KCNK5: variants seen among roughly 807,000 people sequenced by gnomAD.
KCNK5 encodes potassium two pore domain channel subfamily K member 5, also known as potassium channel subfamily K member 5.
A neutral mutation model predicts 32.9 loss-of-function variants in KCNK5; 18 were observed. The ratio of observed to expected loss-of-function variants is 0.55; its 90% CI spans 0.38 to 0.81. The LOEUF is 0.81. KCNK5 is among the 30% of genes least tolerant of loss of function. The pLI is 0.00. For synonymous variants in KCNK5, 276 were observed against 275.3 expected, an observed-to-expected ratio of 1.00 and a Z score of -0.03; for missense variants, 507 against 651.0, an observed-to-expected ratio of 0.78 and a Z score of 2.41.
At position 39,211,508 on chromosome 6, in the gene KCNK5, T is replaced by A. The variant is rs530468483; in HGVS notation, c.187-15521A>T. On this transcript the variant is annotated intron_variant, in intron 1 of 4. Transcript: ENST00000359534. ...GCGCAGAGGGAGGCCAGATGTGGCA[T>A]TAGAAACCTCGGGTTCTGGCCCAAT... Among the ~76,000 whole-genome samples, 6 of 152,246 alleles carry A rather than the reference T, an allele frequency of 3.9e-5. No homozygotes were observed. The East Asian group carries it at 1.2e-3, about 29-fold the overall frequency.
chr6:39,204,145 G>A (rs554286092), intron 1 of KCNK5, among the ~76,000 whole-genome samples: 6 of 152,374 alleles, frequency 3.9e-5, no homozygotes, highest in South Asian at 4.1e-4. Flanking sequence ...GTTGCAAAGC[G>A]GACTTTGTTA....
chr6:39,228,417 A>T (rs1314311144), intron 1 of KCNK5, among the ~76,000 whole-genome samples: 1 of 151,986 alleles, frequency 6.6e-6, no homozygotes. Context: ...TGGGGGCGGA[A>T]GATTTTGCCC....
intron 1 of KCNK5, among the ~76,000 whole-genome samples, chr6:39,228,505 G>C (rs953774056): frequency 6.6e-6 from 1 of 152,178 alleles, no homozygotes; most frequent in Non-Finnish European, 1.5e-5. Context: ...CGTGGCACTG[G>C]CCCTGGAGCG....
intron 1 of KCNK5, among the ~76,000 whole-genome samples, chr6:39,218,111 C>T (rs1181559800): frequency 2.0e-5 from 3 of 147,668 alleles, no homozygotes; most frequent in Non-Finnish European, 4.4e-5. Flanking sequence ...AGCTTTGTCA[C>T]CCAAGCTGGA....
chr6:39,229,038 A>C lies in KCNK5; in HGVS notation c.74T>G (p.Val25Gly). 6.2e-7 allele frequency: 1 copy of C among 1,614,062 alleles called. No homozygotes were observed. Among genetic ancestry groups the C allele is most frequent in the Non-Finnish European group, 8.5e-7 (1 of 1,180,000 alleles). ...YLAIGAAIFE[V>G]LEEPHWKEAK... ...CTCCTTCCAGTGTGGCTCCTCCAGC[A>C]CTTCGAAGATCGCCGCCCCGATGGC... Residue 25 changes from valine (V) to glycine (G), a missense_variant, in exon 1 of 5, where the codon GTG becomes GGG. Physicochemically the swap from Val to Gly is moderately radical, Grantham distance 109 (BLOSUM62 -3). Transcript: ENST00000359534.
Position 39,228,837 on chromosome 6 carries a change from A to G in KCNK5, c.186+89T>C. On this transcript the variant is annotated intron_variant, in intron 1 of 4. Transcript: ENST00000359534. ...GGACCTTCCACAGGGACTGAGGGTC[A>G]CCCAAAGCTGTGAAGGGGTCTTCCT... 4 of 1,319,274 alleles carry G rather than the reference A, an allele frequency of 3.0e-6. No individual in the cohort carries two copies. The South Asian group carries it at 5.2e-5, about 17-fold the overall frequency. 81.7% of individuals were successfully genotyped at this position (1,319,274 alleles called of 1,614,324 possible). A position where few individuals can be genotyped will look rare whatever the true frequency, so the allele number is the denominator to read the frequency against.
At chr6:39,228,889 G>C (rs749397707) in intron 1 of KCNK5, 37 bp downstream of exon 1, 1 of 1,605,316 alleles carries the variant, frequency 6.2e-7, no homozygotes, top group Non-Finnish European at 8.5e-7. Context: ...GCTCAAGCCA[G>C]CTTCAGATGT....
intron 1 of KCNK5, among the ~76,000 whole-genome samples, chr6:39,219,947 C>G (rs755144707): frequency 6.6e-6 from 1 of 152,212 alleles, no homozygotes; most frequent in African/African-American, 2.4e-5. Flanking sequence ...GAAAATATGG[C>G]CAGGGGCACA....
At chr6:39,195,794 A>G (rs1771019697) in intron 2 of KCNK5, 82 bp downstream of exon 2, 1 of 901,152 alleles carries the variant, frequency 1.1e-6, no homozygotes, top group Non-Finnish European at 1.8e-6. Context: ...AACAGGGCTG[A>G]GTGACCAGAG....
intron 1 of KCNK5, among the ~76,000 whole-genome samples, chr6:39,211,205 G>C (rs181363615): frequency 6.6e-6 from 1 of 152,274 alleles, no homozygotes; most frequent in East Asian, 1.9e-4. Context: ...CCCGCAGAGT[G>C]GGGAGGCTGG....
chr6:39,211,380 A>G (rs1200264489), intron 1 of KCNK5, among the ~76,000 whole-genome samples: 1 of 152,222 alleles, frequency 6.6e-6, no homozygotes, highest in Non-Finnish European at 1.5e-5. Context: ...CGGCTTGCAC[A>G]AACACATGCT....
chr6:39,210,485 A>C (rs1771315567), intron 1 of KCNK5, among the ~76,000 whole-genome samples: 1 of 152,236 alleles, frequency 6.6e-6, no homozygotes, highest in Admixed American at 6.5e-5. Context: ...TGCCAGATCT[A>C]GCCAGGCACC....
Position 39,190,005 on chromosome 6 carries a change from A to C in KCNK5, c.*885T>G, listed in dbSNP as rs6912288. The C allele has an allele frequency of 0.45, 67,944 of 152,458 alleles. 16,240 individuals are homozygous for C. The highest frequency in any genetic ancestry group is 0.53 in the Non-Finnish European group (36,259 of 68,260). The allele number at this position is 152,458 out of a possible 1,614,324, so 9.4% of individuals were successfully genotyped here. On this transcript the variant is annotated 3_prime_UTR_variant, in exon 5 of 5. Transcript: ENST00000359534. Reference sequence around the variant, plus strand: ...CCAGCGGGCAGGGTGTGCAGTTCTCAGGCGGGCAGGAGGGGTAAGGGCAGA... The same window carrying C: ...CCAGCGGGCAGGGTGTGCAGTTCTCCGGCGGGCAGGAGGGGTAAGGGCAGA...
At chr6:39,219,857 C>A (rs767398362) in intron 1 of KCNK5, among the ~76,000 whole-genome samples, 6 of 152,212 alleles carry the variant, frequency 3.9e-5, no homozygotes, top group Non-Finnish European at 7.4e-5. Flanking sequence ...ATGGCCACTG[C>A]CCACGAAGGT....
intron 1 of KCNK5, among the ~76,000 whole-genome samples, chr6:39,209,691 T>G (rs1454702740): frequency 6.6e-6 from 1 of 152,192 alleles, no homozygotes; most frequent in African/African-American, 2.4e-5. Flanking sequence ...CACACATCCT[T>G]TCTCTCCTCC....
At chr6:39,197,237 G>C (rs1227028616) in intron 1 of KCNK5, among the ~76,000 whole-genome samples, 1 of 152,228 alleles carries the variant, frequency 6.6e-6, no homozygotes, top group African/African-American at 2.4e-5. Context: ...CCTACCCAGA[G>C]CATGACTGAG....
chr6:39,227,728 G>A lies in KCNK5; in HGVS notation c.186+1198C>T, dbSNP rs1050752158. Among the ~76,000 whole-genome samples the A allele has an allele frequency of 3.3e-5, 5 of 152,170 alleles. No individual in the cohort carries two copies. The East Asian group carries it at 7.7e-4, about 23-fold the overall frequency. ...CCAAATGCTTCCAACCTAACAGTCC[G>A]TGGCAGAAATAAGGAATGAGGATGG... On this transcript the variant is annotated intron_variant, in intron 1 of 4. Transcript: ENST00000359534.
At position 39,204,409 on chromosome 6, in the gene KCNK5, TC is replaced by T. The variant is rs550103030; in HGVS notation, c.187-8423del. ...GGAGGTTGGACTATGACTACTGGAG[TC>T]CCCCTGCCTGGGCAGGTGATACCTC... On this transcript the variant is annotated intron_variant, in intron 1 of 4. Coordinates refer to ENST00000359534, the MANE Select transcript of KCNK5 (RefSeq NM_003740.4). Among the ~76,000 whole-genome samples the T allele has an allele frequency of 1.1e-4, 16 of 152,232 alleles. No homozygotes were observed. In the East Asian group the frequency reaches 3.1e-3, roughly 29 times the overall value.
chr6:39,191,722 T>C lies in KCNK5; in HGVS notation c.668A>G (p.Tyr223Cys). The C allele has an allele frequency of 6.2e-7, 1 of 1,613,712 alleles. No homozygotes were observed. The highest frequency in any genetic ancestry group is 8.5e-7 in the Non-Finnish European group (1 of 1,179,822). The stretch of plus-strand genomic sequence containing the variant: ...GATCCAGAGCTCCACGAAGTAGCGG[T>C]ACAGGGCGTGGTAGTTGGCGCTGGG... ...VNPSANYHAL[Y>C]RYFVELWIYL... The change falls in exon 5 of 5, where the codon TAC (tyrosine) becomes TGC (cysteine). Residue 223 changes from tyrosine (Y) to cysteine (C), a missense_variant. Transcript: ENST00000359534. This position sits in a 1 kb window ranked among gnomAD's most constrained non-coding sequence, Gnocchi z 5.8.
Sources: gnomAD v4.1 joint callset for allele counts (sites outside exome capture counted in the v4.1 genomes callset) on GRCh38, gnomAD v4.1.1 for gene constraint, Gnocchi (gnomAD v3.1) non-coding constraint, MANE v1.5 for transcripts, NCBI Gene and HGNC (gene_info 2026-07-23, HGNC 2026-07-21) for gene names.